Variants in CCNY observed in about 807,000 individuals in gnomAD.
CCNY encodes cyclin Y.
In CCNY, 19 loss-of-function variants were observed where a neutral mutation model predicts 42.8. That is an observed-to-expected ratio of 0.44 (90% CI 0.31 to 0.65). The LOEUF is 0.65. CCNY is among the 30% of genes least tolerant of loss of function. CCNY has a pLI of 0.07. For missense variants in CCNY, 370 were observed against 437.3 expected (o/e 0.85, Z 1.37); for synonymous variants, 165 against 162.7 (o/e 1.01, Z -0.11).
intron 1 of CCNY, among the ~76,000 whole-genome samples, chr10:35,465,938 A>AGAGAGAGTGTGTGTGTGT: frequency 6.2e-5 from 5 of 81,032 alleles, no homozygotes; most frequent in African/African-American, 2.2e-4. Flanking sequence ...AGAGAGAGAG[A>AGAGAGAGTGTGTGTGTGT]GTGTGTGTGT....
chr10:35,317,149 A>G (rs115365533), intron 3 of CCNY, among the ~76,000 whole-genome samples: 1,673 of 151,364 alleles, frequency 0.011, 41 homozygotes, highest in African/African-American at 0.039. Flanking sequence ...GCAGGGCCCA[A>G]TTTTTTTTTA....
At chr10:35,409,649 G>A (rs996648999) in intron 1 of CCNY, among the ~76,000 whole-genome samples, 31 of 152,202 alleles carry the variant, frequency 2.0e-4, no homozygotes, top group African/African-American at 5.3e-4. Flanking sequence ...TAATTCCCAT[G>A]TGTGAGAGAC....
chr10:35,450,065 G>A (rs554067396), intron 1 of CCNY, among the ~76,000 whole-genome samples: 14 of 152,246 alleles, frequency 9.2e-5, no homozygotes, highest in African/African-American at 2.9e-4. Context: ...GTGGTGGCAC[G>A]TGAGAGCACC....
At chr10:35,480,975 A>G (rs1384136977) in intron 1 of CCNY, among the ~76,000 whole-genome samples, 1 of 152,212 alleles carries the variant, frequency 6.6e-6, no homozygotes, top group Non-Finnish European at 1.5e-5. Flanking sequence ...CAAAAACAAA[A>G]AAACAAACCA....
intron 1 of CCNY, among the ~76,000 whole-genome samples, chr10:35,432,371 C>T (rs1235459123): frequency 2.6e-5 from 4 of 152,168 alleles, no homozygotes; most frequent in African/African-American, 9.7e-5. Context: ...TCAGTAAGCA[C>T]TAATAAATGG....
At chr10:35,327,295 T>C (rs1835891177) in intron 3 of CCNY, among the ~76,000 whole-genome samples, 1 of 152,190 alleles carries the variant, frequency 6.6e-6, no homozygotes, top group Non-Finnish European at 1.5e-5. Flanking sequence ...CTCAACAATA[T>C]TTCGTGGCTT....
chr10:35,394,864 C>A, intron 1 of CCNY: 2 of 984,824 alleles, frequency 2.0e-6, no homozygotes, highest in Non-Finnish European at 2.4e-6. Flanking sequence ...CACGGGCCCT[C>A]TCCTTCTGAA....
chr10:35,435,923 C>G (rs759189531), intron 1 of CCNY, among the ~76,000 whole-genome samples: 1 of 152,124 alleles, frequency 6.6e-6, no homozygotes, highest in Non-Finnish European at 1.5e-5. Context: ...TGGATAGTGC[C>G]TCCTGTAGTT....
chr10:35,389,892 G>A (rs910516802), intron 1 of CCNY, among the ~76,000 whole-genome samples: 2 of 151,580 alleles, frequency 1.3e-5, no homozygotes, highest in Non-Finnish European at 2.9e-5. Flanking sequence ...TAAAGGCATC[G>A]TCTGATATTG....
chr10:35,293,799 T>TG (rs1048734671), intron 3 of CCNY, among the ~76,000 whole-genome samples: 2 of 151,442 alleles, frequency 1.3e-5, no homozygotes, highest in African/African-American at 4.9e-5. Flanking sequence ...TTTTTTTTTT[T>TG]TTTTTTTGAG....
intron 7 of CCNY, among the ~76,000 whole-genome samples, chr10:35,545,250 C>T (rs1465928203): frequency 1.3e-5 from 2 of 152,184 alleles, no homozygotes; most frequent in Admixed American, 6.5e-5. Context: ...GGGAGGGAGC[C>T]GTCAAGGTCT....
chr10:35,428,338 A>T (rs966628046), intron 1 of CCNY, among the ~76,000 whole-genome samples: 1 of 152,104 alleles, frequency 6.6e-6, no homozygotes, highest in Non-Finnish European at 1.5e-5. Flanking sequence ...TGAGACCTGA[A>T]GGGTGGTTGG....
intron 3 of CCNY, among the ~76,000 whole-genome samples, chr10:35,255,451 C>A (rs1934255718): frequency 6.6e-6 from 1 of 151,920 alleles, no homozygotes; most frequent in South Asian, 2.1e-4. Flanking sequence ...CACACACCAC[C>A]ATGCCTGGCT....
chr10:35,453,332 T>G (rs551174153), intron 1 of CCNY, among the ~76,000 whole-genome samples: 14 of 152,260 alleles, frequency 9.2e-5, no homozygotes, highest in Non-Finnish European at 1.3e-4. Context: ...AACTATTGAT[T>G]ATTATTTTTG....
chr10:35,364,381 TA>T (rs1836765859), intron 1 of CCNY, among the ~76,000 whole-genome samples: 1 of 152,236 alleles, frequency 6.6e-6, no homozygotes, highest in African/African-American at 2.4e-5. Flanking sequence ...AACAGAAAGT[TA>T]ACTGAATTTT....
chr10:35,484,914 A>G (rs1839752277), intron 2 of CCNY, among the ~76,000 whole-genome samples: 1 of 152,182 alleles, frequency 6.6e-6, no homozygotes, highest in African/African-American at 2.4e-5. Flanking sequence ...GTCCTGGTAG[A>G]AGGAAACTTG....
At position 35,431,735 on chromosome 10, in the gene CCNY, G is replaced by A. The variant is rs1024606190; in HGVS notation, c.155-51669G>A. Reference sequence around the variant, plus strand: ...GGAAAAAGAAGCACCCTAAGCATCGGGTCCCAGGCTCAGGCTTGGAGCCTC... The same window carrying A: ...GGAAAAAGAAGCACCCTAAGCATCGAGTCCCAGGCTCAGGCTTGGAGCCTC... On this transcript the variant is annotated intron_variant, in intron 1 of 9. Coordinates refer to ENST00000374704, the MANE Select transcript of CCNY (RefSeq NM_145012.6). Among the ~76,000 whole-genome samples the A allele has an allele frequency of 2.0e-5, 3 of 151,964 alleles. No homozygotes were observed. The South Asian group carries it at 6.2e-4, about 32-fold the overall frequency.
At chr10:35,418,816 G>GA (rs1838083796) in intron 1 of CCNY, among the ~76,000 whole-genome samples, 2 of 152,078 alleles carry the variant, frequency 1.3e-5, no homozygotes, top group South Asian at 4.2e-4. Context: ...TTCATCTGTA[G>GA]AATGGGGATA....
chr10:35,430,109 G>A (rs1031634760), intron 1 of CCNY, among the ~76,000 whole-genome samples: 5 of 151,468 alleles, frequency 3.3e-5, no homozygotes, highest in East Asian at 1.9e-4. Context: ...AGGCCGAGGC[G>A]GGCGGATCAC....
Sources: allele counts gnomAD v4.1 joint callset (sites outside exome capture counted in the v4.1 genomes callset), GRCh38; gene constraint gnomAD v4.1.1; transcripts MANE v1.5; gene names NCBI Gene and HGNC (gene_info 2026-07-23, HGNC 2026-07-21).